Variants in CXCL12 observed in about 807,000 individuals in gnomAD.
CXCL12 encodes the protein C-X-C motif chemokine ligand 12, also known as stromal cell-derived factor 1.
Under a neutral mutation model 10.7 loss-of-function variants are expected in CXCL12, and 4 were observed. The observed-to-expected ratio is 0.37, with a 90% CI of 0.18 to 0.86. CXCL12 has a LOEUF of 0.86. Ranked by LOEUF, CXCL12 falls within the 40% of genes least tolerant of loss-of-function variation. The probability of loss-of-function intolerance (pLI) is 0.43; values close to 1 mark genes in which losing one functional copy is unlikely to be tolerated. For synonymous variants in CXCL12, 54 were observed against 45.4 expected, an observed-to-expected ratio of 1.19 and a Z score of -0.77; for missense variants, 122 against 110.4, an observed-to-expected ratio of 1.10 and a Z score of -0.47.
Position 44,385,020 on chromosome 10 carries a change from GGCGGGCGGGCGGACGA to G in CXCL12, c.-31_-16del. 6.9e-7 allele frequency: 1 copy of G among 1,450,692 alleles called. No homozygotes were observed. Among genetic ancestry groups the G allele is most frequent in the Non-Finnish European group, 9.1e-7 (1 of 1,097,046 alleles). The allele number at this position is 1,450,692 out of a possible 1,614,324, so 89.9% of individuals were successfully genotyped here. A position where few individuals can be genotyped will look rare whatever the true frequency, so the allele number is the denominator to read the frequency against. On this transcript the variant is annotated 5_prime_UTR_variant, in exon 1 of 3. Coordinates refer to ENST00000343575, the MANE Select transcript of CXCL12 (RefSeq NM_199168.4). Reference sequence around the variant, plus strand: ...TTGGCGTTCATGGCGCGGGCGGGCGGGCGGGCGGGCGGACGAGCGCGGGTCGGGGGCCGGACGCCGA... The same window carrying G: ...TTGGCGTTCATGGCGCGGGCGGGCGGGCGCGGGTCGGGGGCCGGACGCCGA...
chr10:44,374,371 C>G (rs572090637), downstream of CXCL12: 3 of 443,312 alleles, frequency 6.8e-6, no homozygotes, highest in Admixed American at 4.9e-5. Flanking sequence ...GTCAAGAGTC[C>G]CATGGACTAG....
At chr10:44,374,914 G>A (rs1230293457), downstream of CXCL12, among the ~76,000 whole-genome samples, 3 of 152,152 alleles carry the variant, frequency 2.0e-5, no homozygotes, top group Non-Finnish European at 4.4e-5. Context: ...CCAGATTAGA[G>A]AAACTTGCCA....
intron 1 of CXCL12, among the ~76,000 whole-genome samples, chr10:44,383,476 C>T (rs1442574358): frequency 6.6e-6 from 1 of 152,066 alleles, no homozygotes; most frequent in African/African-American, 2.4e-5. Flanking sequence ...GGGGCAGCAC[C>T]ATTTCCCAGA....
At chr10:44,370,421 C>G (rs936460021) in exon 4 of CXCL12, 1 of 152,522 alleles carries the variant, frequency 6.6e-6, no homozygotes, top group Admixed American at 6.5e-5. Flanking sequence ...GAGAGTCCAG[C>G]GAGGTTGCAA....
Position 44,384,928 on chromosome 10 carries a change from C to A in CXCL12, c.61+17G>T. 6.5e-7 allele frequency: 1 copy of A among 1,541,846 alleles called. No homozygotes were observed. Among genetic ancestry groups the A allele is most frequent in the East Asian group, 2.5e-5 (1 of 40,250 alleles). ...AGCCCAGAGCCTCGCCAGGGCCTCC[C>A]CGCCGAGCGCACTTACCGTCGCTGA... On this transcript the variant is annotated intron_variant, in intron 1 of 2. Coordinates refer to ENST00000343575, the MANE Select transcript of CXCL12 (RefSeq NM_199168.4).
At chr10:44,375,853 T>C (rs1839434897), downstream of CXCL12, 4 of 1,586,898 alleles carry the variant, frequency 2.5e-6, no homozygotes, top group African/African-American at 1.4e-5. Flanking sequence ...CCAGTCTGCA[T>C]GGGGGTCTGT....
At chr10:44,376,295 T>C (rs2297631), downstream of CXCL12, among the ~76,000 whole-genome samples, 1,531 of 152,344 alleles carry the variant, frequency 0.01, 56 homozygotes, top group East Asian at 0.12. Flanking sequence ...AACCTGAACC[T>C]GATTCCCACT....
At chr10:44,376,255 T>C (rs1839445950), downstream of CXCL12, among the ~76,000 whole-genome samples, 1 of 152,224 alleles carries the variant, frequency 6.6e-6, no homozygotes, top group Non-Finnish European at 1.5e-5. Flanking sequence ...AACACCTTTG[T>C]GAATGGGTTA....
intron 2 of CXCL12, among the ~76,000 whole-genome samples, chr10:44,379,584 G>A (rs1238248936): frequency 6.6e-6 from 1 of 152,162 alleles, no homozygotes; most frequent in Non-Finnish European, 1.5e-5. Context: ...GTGAAGAGGG[G>A]TGCAGAGATG....
chr10:44,373,114 G>A (rs576679237), downstream of CXCL12: 124 of 1,534,980 alleles, frequency 8.1e-5, 2 homozygotes, highest in South Asian at 9.7e-4. Flanking sequence ...GCTACGTGTC[G>A]CCAGTGACAC....
At chr10:44,381,861 A>C (rs1839642693) in intron 1 of CXCL12, among the ~76,000 whole-genome samples, 1 of 152,148 alleles carries the variant, frequency 6.6e-6, no homozygotes, top group Non-Finnish European at 1.5e-5. Flanking sequence ...TTTGGTCCAG[A>C]GATTTTTTTT....
At position 44,385,047 on chromosome 10, in the gene CXCL12, G is replaced by A; in HGVS notation, c.-42C>T. ...CGGGCGGGCGGACGAGCGCGGGTCG[G>A]GGGCCGGACGCCGAGCGGGCAATGC... On this transcript the variant is annotated 5_prime_UTR_variant, in exon 1 of 3. Transcript: ENST00000343575. The A allele has an allele frequency of 7.2e-7, 1 of 1,387,900 alleles. No individual in the cohort carries two copies. Among genetic ancestry groups the A allele is most frequent in the African/African-American group, 1.5e-5 (1 of 66,318 alleles). 86.0% of individuals were successfully genotyped at this position (1,387,900 alleles called of 1,614,324 possible).
chr10:44,378,260 G>T lies in CXCL12; in HGVS notation c.*373C>A. ...TCCAAACAAGCCAAATTCAGATCTTGAAGTACTCGTTGATTTAAAAAATGA... is the reference window on the plus strand; with the variant it reads ...TCCAAACAAGCCAAATTCAGATCTTTAAGTACTCGTTGATTTAAAAAATGA... On this transcript the variant is annotated 3_prime_UTR_variant, in exon 3 of 3. Transcript: ENST00000343575. 1 of 1,465,570 alleles carries T rather than the reference G, an allele frequency of 6.8e-7. No homozygotes were observed. The highest frequency in any genetic ancestry group is 3.0e-5 in the East Asian group (1 of 33,022). 90.8% of individuals were successfully genotyped at this position (1,465,570 alleles called of 1,614,324 possible). A position where few individuals can be genotyped will look rare whatever the true frequency, so the allele number is the denominator to read the frequency against.
At chr10:44,370,168 A>G (rs1420395913) in exon 4 of CXCL12, 1 of 152,254 alleles carries the variant, frequency 6.6e-6, no homozygotes, top group Non-Finnish European at 1.5e-5. Flanking sequence ...TGGTGGCTAC[A>G]TTTGAGTACA....
chr10:44,372,997 C>G (rs769725236), downstream of CXCL12: 4 of 1,536,070 alleles, frequency 2.6e-6, no homozygotes, highest in South Asian at 4.8e-5. Flanking sequence ...AGTCTCCCCA[C>G]CTGCACAGCT....
rs768001829 is a variant in CXCL12 at position 44,384,972 on chromosome 10, C to G, written c.34G>C (p.Val12Leu). The change falls in exon 1 of 3, where the codon GTG becomes CTG. Residue 12 changes from valine (V) to leucine (L), a missense_variant. Coordinates refer to ENST00000343575, the MANE Select transcript of CXCL12 (RefSeq NM_199168.4). ...TCGCTGAGGCAGAGCGCGGTCAGCA[C>G]GAGGACCAGCACGACCACGACCTTG... ...NAKVVVVLVL[V>L]LTALCLSDGK... 4.2e-6 allele frequency: 6 copies of G among 1,424,970 alleles called. No individual in the cohort carries two copies. Among genetic ancestry groups the G allele is most frequent in the Non-Finnish European group, 4.6e-6 (5 of 1,080,994 alleles). The allele number at this position is 1,424,970 out of a possible 1,614,324, so 88.3% of individuals were successfully genotyped here. A position where few individuals can be genotyped will look rare whatever the true frequency, so the allele number is the denominator to read the frequency against.
At chr10:44,376,743 G>A (rs893880863), downstream of CXCL12, among the ~76,000 whole-genome samples, 2 of 152,126 alleles carry the variant, frequency 1.3e-5, no homozygotes, top group African/African-American at 4.8e-5. Context: ...CCATGGCCTG[G>A]AGTCATGGGA....
At chr10:44,382,795 T>A (rs1839671459) in intron 1 of CXCL12, among the ~76,000 whole-genome samples, 1 of 152,228 alleles carries the variant, frequency 6.6e-6, no homozygotes, top group African/African-American at 2.4e-5. Flanking sequence ...CAGGTCTTTT[T>A]AAAGTGACAG....
chr10:44,374,219 C>T (rs1344041125), downstream of CXCL12: 1 of 347,630 alleles, frequency 2.9e-6, no homozygotes, highest in African/African-American at 2.1e-5. Context: ...GCTGGGCCCT[C>T]TGTCCCTAGG....
Sources: allele counts gnomAD v4.1 joint callset (sites outside exome capture counted in the v4.1 genomes callset), GRCh38; gene constraint gnomAD v4.1.1; transcripts MANE v1.5; gene names NCBI Gene and HGNC (gene_info 2026-07-23, HGNC 2026-07-21).